SLC5A4: variants seen among roughly 807,000 people sequenced by gnomAD.
SLC5A4 encodes the protein probable glucose sensor protein SLC5A4.
SLC5A4 carries 55 observed loss-of-function variants against 70.3 expected under a neutral mutation model. The observed-to-expected ratio is 0.78, with a 90% CI of 0.63 to 0.98. The LOEUF is 0.98. Ranked by LOEUF, SLC5A4 falls within the 50% of genes least tolerant of loss-of-function variation. The probability of loss-of-function intolerance (pLI) is 0.00; values close to 1 mark genes in which losing one functional copy is unlikely to be tolerated. For missense variants in SLC5A4, 735 were observed against 839.2 expected (o/e 0.88, Z 1.53); for synonymous variants, 268 against 305.7 (o/e 0.88, Z 1.29).
intron 12 of SLC5A4, 90 bp downstream of exon 12, chr22:32,225,565 G>T: frequency 5.1e-6 from 4 of 785,418 alleles, no homozygotes; most frequent in Non-Finnish European, 8.4e-6. Context: ...TGCATAAATA[G>T]GGGAGAAAGA....
At chr22:32,233,724 G>A (rs1006447924) in intron 8 of SLC5A4, among the ~76,000 whole-genome samples, 1 of 152,074 alleles carries the variant, frequency 6.6e-6, no homozygotes, top group African/African-American at 2.4e-5. Flanking sequence ...CACTTTGGGA[G>A]GCCAAGACAG....
At chr22:32,332,804 C>A in the SLC5A4 span, among the ~76,000 whole-genome samples, 3 of 152,214 alleles carry the variant, frequency 2.0e-5, no homozygotes, top group African/African-American at 7.2e-5. Context: ...TTTGATGCCA[C>A]TGCTTTAACG....
chr22:32,322,854 A>G, the SLC5A4 span, among the ~76,000 whole-genome samples: 1 of 152,236 alleles, frequency 6.6e-6, no homozygotes, highest in African/African-American at 2.4e-5. Context: ...AGATGACCCA[A>G]GGTTCTTCTG....
the SLC5A4 span, among the ~76,000 whole-genome samples, chr22:32,352,963 G>A: frequency 6.6e-6 from 1 of 152,264 alleles, no homozygotes; most frequent in Non-Finnish European, 1.5e-5. Context: ...GCCTCCAGCA[G>A]GCGGCTCCTC....
At chr22:32,328,422 G>T in the SLC5A4 span, among the ~76,000 whole-genome samples, 1 of 152,168 alleles carries the variant, frequency 6.6e-6, no homozygotes, top group Non-Finnish European at 1.5e-5. Context: ...CTCCAAAAAA[G>T]TGGGTTCCAC....
the SLC5A4 span, among the ~76,000 whole-genome samples, chr22:32,276,003 C>T: frequency 0.17 from 26,207 of 152,096 alleles, 2,583 homozygotes; most frequent in East Asian, 0.32. Flanking sequence ...CTTTTGGCTG[C>T]ATAAATGTCT....
chr22:32,224,414 A>G lies in SLC5A4; in HGVS notation c.1518T>C (p.Tyr506=). The G allele has an allele frequency of 6.2e-7, 1 of 1,614,172 alleles. No individual in the cohort carries two copies. Among genetic ancestry groups the G allele is most frequent in the Non-Finnish European group, 8.5e-7 (1 of 1,180,014 alleles). The change falls in exon 13 of 15, where the codon TAT becomes TAC. Residue 506 remains tyrosine (Y), a synonymous_variant. Transcript: ENST00000266086. The stretch of plus-strand genomic sequence containing the variant: ...TGGGAGCCAAGCAACTCCCTGTTCC[A>G]TAAGCAAACTCTGTTATCATACGAA... ...GLIRMITEFA[Y]GTGSCLAPSN... is the part of the protein sequence containing the mutation.
At chr22:32,272,348 C>A in the SLC5A4 span, 1 of 848,436 alleles carries the variant, frequency 1.2e-6, no homozygotes, top group Non-Finnish European at 2.0e-6. Flanking sequence ...CACCTGGTGT[C>A]GGCCATCAGC....
chr22:32,255,720 C>T (rs1277609295), upstream of SLC5A4, among the ~76,000 whole-genome samples: 2 of 152,144 alleles, frequency 1.3e-5, no homozygotes, highest in African/African-American at 4.8e-5. Flanking sequence ...TGCAATGGTC[C>T]TTCAGAGAAC....
chr22:32,317,728 A>T, the SLC5A4 span, among the ~76,000 whole-genome samples: 1 of 152,182 alleles, frequency 6.6e-6, no homozygotes, highest in Non-Finnish European at 1.5e-5. Flanking sequence ...GGCCTCCCAA[A>T]ATGCTGGAAT....
the SLC5A4 span, among the ~76,000 whole-genome samples, chr22:32,344,888 GA>G: frequency 6.6e-6 from 1 of 151,864 alleles, no homozygotes; most frequent in Non-Finnish European, 1.5e-5. Context: ...GGAAATTAAA[GA>G]AAAAAACCCA....
Position 32,224,253 on chromosome 22 carries a change from T to C in SLC5A4, c.1665+14A>G, listed in dbSNP as rs1250646038. 6.3e-7 allele frequency: 1 copy of C among 1,578,232 alleles called. No individual in the cohort carries two copies. The highest frequency in any genetic ancestry group is 8.7e-7 in the Non-Finnish European group (1 of 1,147,730). ...TTATTTAAAATTAGCATGTATTCATTACTCATCACTCACATGTACATCAGG... is the reference window on the plus strand; with the variant it reads ...TTATTTAAAATTAGCATGTATTCATCACTCATCACTCACATGTACATCAGG... On this transcript the variant is annotated intron_variant, in intron 13 of 14. Transcript: ENST00000266086.
chr22:32,235,158 G>A (rs934087116), intron 7 of SLC5A4, 65 bp from the exon 8 acceptor site: 1 of 1,225,472 alleles, frequency 8.2e-7, no homozygotes, highest in Non-Finnish European at 1.2e-6. Flanking sequence ...TGTTTATGAT[G>A]ACTACTTTTT....
chr22:32,353,922 C>T, the SLC5A4 span, among the ~76,000 whole-genome samples: 14 of 151,880 alleles, frequency 9.2e-5, no homozygotes, highest in Non-Finnish European at 1.9e-4. Context: ...CCCCAACCTG[C>T]TCCCCACTGG....
chr22:32,341,688 C>T, the SLC5A4 span, among the ~76,000 whole-genome samples: 7 of 152,186 alleles, frequency 4.6e-5, no homozygotes, highest in African/African-American at 9.7e-5. Flanking sequence ...AAGTCCTATC[C>T]GTGGCCTAAA....
chr22:32,300,890 G>T, the SLC5A4 span, among the ~76,000 whole-genome samples: 1 of 151,926 alleles, frequency 6.6e-6, no homozygotes, highest in African/African-American at 2.4e-5. Context: ...AGGTTTTTGT[G>T]TGAACATTAG....
chr22:32,225,780 G>A lies in SLC5A4; in HGVS notation c.1324C>T (p.Pro442Ser), dbSNP rs1432451231. The change falls in exon 12 of 15, where the codon CCA becomes TCA. Residue 442 changes from proline to serine, a missense_variant. Physicochemically the swap from Pro to Ser is moderately conservative, Grantham distance 74. Transcript: ENST00000266086. ...CCATTTTGAGAAACTTGTACCAGTG[G>A]GACCCACACAATGCTCACAACAGTT... The part of the protein sequence containing the change: ...LLTVVSIVWV[P>S]LVQVSQNGQL... 1.2e-6 allele frequency: 2 copies of A among 1,611,520 alleles called. No individual in the cohort carries two copies. Among genetic ancestry groups the A allele is most frequent in the African/African-American group, 1.3e-5 (1 of 74,816 alleles).
the SLC5A4 span, among the ~76,000 whole-genome samples, chr22:32,353,585 G>A: frequency 2.6e-5 from 4 of 152,000 alleles, no homozygotes; most frequent in Non-Finnish European, 4.4e-5. Context: ...GGGGGGCAGC[G>A]CAGCCCCCAA....
chr22:32,274,707 G>A, the SLC5A4 span, among the ~76,000 whole-genome samples: 1 of 152,110 alleles, frequency 6.6e-6, no homozygotes, highest in South Asian at 2.1e-4. Context: ...CTCCAAAATA[G>A]AACATGTGCT....
Sources: allele counts gnomAD v4.1 joint callset (sites outside exome capture counted in the v4.1 genomes callset), GRCh38; gene constraint gnomAD v4.1.1; transcripts MANE v1.5; gene names NCBI Gene and HGNC (gene_info 2026-07-23, HGNC 2026-07-21).